Variants in GABRR2 observed in about 807,000 individuals in gnomAD.
The protein encoded by GABRR2 is gamma-aminobutyric acid receptor subunit rho-2.
In GABRR2, 36 loss-of-function variants were observed where a neutral mutation model predicts 47.0. That is an observed-to-expected ratio of 0.77 (90% CI 0.59 to 1.01). GABRR2 has a LOEUF of 1.01. Ranked by LOEUF, GABRR2 falls within the 50% of genes least tolerant of loss-of-function variation. The pLI is 0.00. For missense variants in GABRR2, 587 were observed against 594.6 expected, an observed-to-expected ratio of 0.99 and a Z score of 0.13; for synonymous variants, 204 against 227.5, an observed-to-expected ratio of 0.90 and a Z score of 0.93.
At position 89,271,667 on chromosome 6, in the gene GABRR2, G is replaced by A. The variant is rs1161520295; in HGVS notation, c.276C>T (p.Ser92=). ...GGCCGCTGCATACCATGTCCACCTC[G>A]GAGATGCTGTCCAGGCTCTCCACCT... ...DVQVESLDSI[S]EVDMDFTMTL... is the part of the protein sequence containing the mutation. The change falls in exon 3 of 9, where the codon TCC becomes TCT. Residue 92 remains serine, a synonymous_variant. Coordinates refer to ENST00000402938, the MANE Select transcript of GABRR2 (RefSeq NM_002043.5). 32 of 1,611,520 alleles carry A rather than the reference G, an allele frequency of 2.0e-5. No individual in the cohort carries two copies. Among genetic ancestry groups the A allele is most frequent in the Non-Finnish European group, 2.4e-5 (28 of 1,179,014 alleles).
In GABRR2 at chr6:89,256,750, C is replaced by T. The variant is rs541180736; in HGVS notation, c.*920G>A. Among the ~76,000 whole-genome samples, 123 of 152,242 alleles carry T rather than the reference C, an allele frequency of 8.1e-4. 1 individual carries two copies. Among genetic ancestry groups the T allele is most frequent in the Admixed American group, 2.4e-3 (36 of 15,296 alleles). On this transcript the variant is annotated 3_prime_UTR_variant, in exon 9 of 9. Transcript: ENST00000402938. ...CGACCCCAATAAAAAAACTGTACAC[C>T]GTGGTGAGCCTGGGTAAGTTTCTCT...
chr6:89,265,824 T>A (rs1773882639), intron 6 of GABRR2, 59 bp from the exon 7 acceptor site: 2 of 1,561,572 alleles, frequency 1.3e-6, no homozygotes, highest in East Asian at 4.5e-5. Context: ...GCAAACTGTG[T>A]CCCTGGGAAC....
intron 2 of GABRR2, among the ~76,000 whole-genome samples, chr6:89,274,572 A>G (rs1335609931): frequency 6.6e-6 from 1 of 151,928 alleles, no homozygotes; most frequent in African/African-American, 2.4e-5. Flanking sequence ...TTTCTGCTTT[A>G]AGAGAGGGGC....
intron 3 of GABRR2, among the ~76,000 whole-genome samples, chr6:89,270,006 G>A (rs282122): frequency 0.051 from 7,786 of 152,238 alleles, 674 homozygotes; most frequent in African/African-American, 0.18. Context: ...GAAAGAGTTC[G>A]TGGTTGTGGT....
At position 89,276,048 on chromosome 6, in the gene GABRR2, A is replaced by G. The variant is rs1774152773; in HGVS notation, c.221-4326T>C. The stretch of plus-strand genomic sequence containing the variant: ...TAATTTTTTCTATTAAAATATTATA[A>G]ATATAAATTATAATATAAAATATAA... On this transcript the variant is annotated intron_variant, in intron 2 of 8. Transcript: ENST00000402938. Among the ~76,000 whole-genome samples, 5 of 148,140 alleles carry G rather than the reference A, an allele frequency of 3.4e-5. No homozygotes were observed. In the Admixed American group the frequency reaches 3.4e-4, roughly 10 times the overall value.
chr6:89,265,621 A>G lies in GABRR2; in HGVS notation c.881T>C (p.Val294Ala), dbSNP rs1336725696. Residue 294 changes from valine to alanine, a missense_variant, in exon 7 of 9, where the codon GTT (valine) becomes GCT (alanine). Val to Ala is a moderately conservative substitution (Grantham distance 64). Coordinates refer to ENST00000402938, the MANE Select transcript of GABRR2 (RefSeq NM_002043.5). ...WIDRRAVPAR[V>A]SLGITTVLTM... ...TTATGAAATGCTTTTACCCAGTGAA[A>G]CTCTGGCAGGCACAGCTCTGCGGTC... is the stretch of plus-strand genomic sequence containing the variant. 1 of 1,613,314 alleles carries G rather than the reference A, an allele frequency of 6.2e-7. No homozygotes were observed. Among genetic ancestry groups the G allele is most frequent in the Non-Finnish European group, 8.5e-7 (1 of 1,179,752 alleles).
chr6:89,286,227 CAG>C (rs1189052349), intron 2 of GABRR2, among the ~76,000 whole-genome samples: 2 of 152,118 alleles, frequency 1.3e-5, no homozygotes, highest in Non-Finnish European at 2.9e-5. Flanking sequence ...TTCACAGAAG[CAG>C]AGAGTAGAAT....
intron 1 of GABRR2, 104 bp from the exon 2 acceptor site, chr6:89,299,969 T>C (rs1774638492): frequency 1.4e-6 from 1 of 737,074 alleles, no homozygotes; most frequent in African/African-American, 1.7e-5. Context: ...AGGTACCTTT[T>C]CTCCATTCTA....
intron 2 of GABRR2, among the ~76,000 whole-genome samples, chr6:89,298,594 C>T (rs1774595971): frequency 1.3e-5 from 2 of 152,150 alleles, no homozygotes; most frequent in African/African-American, 4.8e-5. Context: ...CTGTCTTGGC[C>T]AAGGTTCATC....
In GABRR2 at chr6:89,268,656, C is replaced by T. The variant is rs370041831; in HGVS notation, c.512+355G>A. ...ACACAGTAGCTATTTTTTTGGGGGA[C>T]GGGGGGGGGCTTTTTTTTTAATCTA... On this transcript the variant is annotated intron_variant, in intron 4 of 8. Coordinates refer to ENST00000402938, the MANE Select transcript of GABRR2 (RefSeq NM_002043.5). 2.7e-3 allele frequency among the ~76,000 whole-genome samples: 396 copies of T among 148,374 alleles called. 2 individuals carry two copies. Among genetic ancestry groups the T allele is most frequent in the African/African-American group, 9.0e-3 (363 of 40,556 alleles).
intron 2 of GABRR2, among the ~76,000 whole-genome samples, chr6:89,288,591 T>C (rs1171763333): frequency 6.6e-6 from 1 of 152,232 alleles, no homozygotes; most frequent in Non-Finnish European, 1.5e-5. Context: ...TTTAAGTCAC[T>C]GTCTTAGGGT....
chr6:89,276,084 T>C (rs1302022322), intron 2 of GABRR2, among the ~76,000 whole-genome samples: 1 of 147,792 alleles, frequency 6.8e-6, no homozygotes, highest in East Asian at 1.9e-4. Context: ...ATATAAATTA[T>C]AAATCATTAT....
At position 89,269,202 on chromosome 6, in the gene GABRR2, G is replaced by C; in HGVS notation, c.321C>G (p.Tyr107Ter). ...DFTMTLYLRH[Y>*]WKDERLAFSS... Reference sequence around the variant, plus strand: ...AGAAAGCTAGCCTCTCATCCTTCCAGTAATGCCGCAGGTACAGGGTCATAG... The same window carrying C: ...AGAAAGCTAGCCTCTCATCCTTCCACTAATGCCGCAGGTACAGGGTCATAG... The change falls in exon 4 of 9, where the codon TAC (tyrosine) becomes TAG (stop). Residue 107 changes from tyrosine to a stop codon, truncating the protein, a stop_gained. Coordinates refer to ENST00000402938, the MANE Select transcript of GABRR2 (RefSeq NM_002043.5). LOFTEE classifies it high-confidence loss of function. 6.2e-7 allele frequency: 1 copy of C among 1,614,020 alleles called. No individual in the cohort carries two copies. The highest frequency in any genetic ancestry group is 8.5e-7 in the Non-Finnish European group (1 of 1,179,898).
intron 7 of GABRR2, 92 bp downstream of exon 7, chr6:89,265,521 A>T (rs775882140): frequency 3.9e-4 from 545 of 1,393,940 alleles, no homozygotes; most frequent in Non-Finnish European, 4.8e-4. Flanking sequence ...CTCATCAGTT[A>T]AGAAGTCTAA....
chr6:89,297,345 A>G (rs1323046335), intron 2 of GABRR2, among the ~76,000 whole-genome samples: 6 of 152,208 alleles, frequency 3.9e-5, no homozygotes, highest in Admixed American at 3.9e-4. Context: ...GCGCCAAGAC[A>G]TGCAAGTAGG....
rs73504000 is a variant in GABRR2 at position 89,313,389 on chromosome 6, G to T, written c.113+1664C>A. Among the ~76,000 whole-genome samples the T allele has an allele frequency of 5.8e-3, 880 of 152,260 alleles. 9 individuals are homozygous for T. Among genetic ancestry groups the T allele is most frequent in the African/African-American group, 0.02 (827 of 41,538 alleles). On this transcript the variant is annotated intron_variant, in intron 1 of 8. Transcript: ENST00000402938. ...GCTGTAGAGACATCTGTTGAAAATG[G>T]TCTAAACCAGGGTTTTCCACGTTTT...
chr6:89,312,995 C>T (rs1327336438), intron 1 of GABRR2, among the ~76,000 whole-genome samples: 3 of 152,174 alleles, frequency 2.0e-5, no homozygotes, highest in African/African-American at 7.2e-5. Flanking sequence ...ACGGAGGTGC[C>T]GCCAAGCCCA....
At chr6:89,304,184 A>AT (rs2127848972) in intron 1 of GABRR2, among the ~76,000 whole-genome samples, 1 of 152,362 alleles carries the variant, frequency 6.6e-6, no homozygotes, top group African/African-American at 2.4e-5. Flanking sequence ...ATGGGAGAAA[A>AT]TATTTGCAAG....
Position 89,269,209 on chromosome 6 carries a change from C to A in GABRR2, c.314G>T (p.Arg105Leu). Residue 105 changes from arginine (R) to leucine (L), a missense_variant, in exon 4 of 9, where the codon CGG (arginine) becomes CTG (leucine). Coordinates refer to ENST00000402938, the MANE Select transcript of GABRR2 (RefSeq NM_002043.5). ...DMDFTMTLYL[R>L]HYWKDERLAF... is the part of the protein sequence containing the mutation. ...TAGCCTCTCATCCTTCCAGTAATGC[C>A]GCAGGTACAGGGTCATAGTGAAGTC... 1 of 1,613,974 alleles carries A rather than the reference C, an allele frequency of 6.2e-7. No individual in the cohort carries two copies. Among genetic ancestry groups the A allele is most frequent in the Middle Eastern group, 1.6e-4 (1 of 6,062 alleles).
Sources: gnomAD v4.1 joint callset for allele counts (sites outside exome capture counted in the v4.1 genomes callset) on GRCh38, gnomAD v4.1.1 for gene constraint, MANE v1.5 for transcripts, NCBI Gene and HGNC (gene_info 2026-07-23, HGNC 2026-07-21) for gene names.